NIPSNAP2: variants seen among roughly 807,000 people sequenced by gnomAD.
NIPSNAP2 encodes the protein nipsnap homolog 2, also known as protein NipSnap homolog 2.
In NIPSNAP2, 42 loss-of-function variants were observed where a neutral mutation model predicts 48.4. That is an observed-to-expected ratio of 0.87 (90% CI 0.68 to 1.12). The LOEUF (loss-of-function observed/expected upper bound fraction) is 1.12, where lower values mean the gene tolerates loss of function less well. Among genes scored for constraint, NIPSNAP2 ranks in the 50% most tolerant of loss-of-function variants. The probability of loss-of-function intolerance (pLI) is 0.00; values close to 1 mark genes in which losing one functional copy is unlikely to be tolerated. For missense variants in NIPSNAP2, 314 were observed against 347.3 expected, an observed-to-expected ratio of 0.90 and a Z score of 0.76; for synonymous variants, 158 against 126.6, an observed-to-expected ratio of 1.25 and a Z score of -1.67.
At chr7:55,990,932 CG>C (rs1787431752) in intron 7 of NIPSNAP2, among the ~76,000 whole-genome samples, 1 of 151,826 alleles carries the variant, frequency 6.6e-6, no homozygotes, top group Admixed American at 6.6e-5. Flanking sequence ...GGATTACAGG[CG>C]TGCACCGCCA....
intron 8 of NIPSNAP2, among the ~76,000 whole-genome samples, chr7:55,996,860 TCAAA>T (rs1333642384): frequency 5.3e-5 from 8 of 152,168 alleles, no homozygotes; most frequent in South Asian, 4.2e-4. Flanking sequence ...AGACCCCATC[TCAAA>T]CAAACAAACA....
rs558409351 is a variant in NIPSNAP2, at chr7:55,968,384, C to CT, written c.92+3699dup. ...TATCATTATGTCCAAACTCTACTTT[C>CT]TTTTTTTTTTTTTTTTCCTGAGACA... On this transcript the variant is annotated intron_variant, in intron 1 of 9. Coordinates refer to ENST00000322090, the MANE Select transcript of NIPSNAP2 (RefSeq NM_001483.3). Among the ~76,000 whole-genome samples the CT allele has an allele frequency of 3.0e-3, 423 of 139,914 alleles. 2 individuals are homozygous for CT. Among genetic ancestry groups the CT allele is most frequent in the Middle Eastern group, 0.015 (4 of 266 alleles). The allele number at this position is 139,914 out of a possible 152,430, so 91.8% of individuals were successfully genotyped here.
chr7:55,982,153 T>C (rs1787228518), intron 4 of NIPSNAP2, 57 bp from the exon 5 acceptor site: 3 of 1,117,638 alleles, frequency 2.7e-6, no homozygotes. Flanking sequence ...TAGAACATTT[T>C]CAAGTAGTAG....
rs73360378 is a variant in NIPSNAP2, at chr7:55,965,072, C to T, written c.92+371C>T. 1,059 of 153,750 alleles carry T rather than the reference C, an allele frequency of 6.9e-3. 13 individuals carry two copies. The highest frequency in any genetic ancestry group is 0.024 in the African/African-American group (985 of 41,662). The allele number at this position is 153,750 out of a possible 1,614,324, so 9.5% of individuals were successfully genotyped here. A position where few individuals can be genotyped will look rare whatever the true frequency, so the allele number is the denominator to read the frequency against. On this transcript the variant is annotated intron_variant, in intron 1 of 9. Coordinates refer to ENST00000322090, the MANE Select transcript of NIPSNAP2 (RefSeq NM_001483.3). Reference sequence around the variant, plus strand: ...TGAGGCCGCAGGCCCCGGACGCCGTCTGCTGGGTCCTCGCCGGAGGCTGTT... The same window carrying T: ...TGAGGCCGCAGGCCCCGGACGCCGTTTGCTGGGTCCTCGCCGGAGGCTGTT...
intron 3 of NIPSNAP2, 76 bp from the exon 4 acceptor site, chr7:55,981,397 G>A (rs1229264779): frequency 1.0e-6 from 1 of 970,502 alleles, no homozygotes; most frequent in South Asian, 1.4e-5. Context: ...TCTTTTTCCT[G>A]TTACTGATCA....
At chr7:55,983,088 A>G (rs1230202060) in intron 5 of NIPSNAP2, among the ~76,000 whole-genome samples, 5 of 152,200 alleles carry the variant, frequency 3.3e-5, no homozygotes, top group Admixed American at 2.0e-4. Context: ...ACACCGCTGC[A>G]CTACAGCCTG....
At chr7:55,973,440 A>G (rs1265587509) in intron 1 of NIPSNAP2, among the ~76,000 whole-genome samples, 1 of 151,652 alleles carries the variant, frequency 6.6e-6, no homozygotes, top group Non-Finnish European at 1.5e-5. Context: ...TTATTTATAG[A>G]GCACATTTTA....
chr7:55,968,685 G>T (rs1246124612), intron 1 of NIPSNAP2, among the ~76,000 whole-genome samples: 1 of 152,134 alleles, frequency 6.6e-6, no homozygotes, highest in African/African-American at 2.4e-5. Context: ...GTGAGCCACT[G>T]CCCCCAGCCC....
Position 55,978,265 on chromosome 7 carries a change from T to C in NIPSNAP2, c.232T>C (p.Phe78Leu). The C allele has an allele frequency of 6.2e-7, 1 of 1,614,082 alleles. No homozygotes were observed. Among genetic ancestry groups the C allele is most frequent in the Non-Finnish European group, 8.5e-7 (1 of 1,180,006 alleles). ...KETSNLYKLQ[F>L]HNVKPECLEA... The stretch of plus-strand genomic sequence containing the variant: ...AACAAGCAATCTATACAAATTACAG[T>C]GTGAGTGACAGGTTTGCTATCTTCA... Residue 78 changes from phenylalanine to leucine, a missense_variant and splice_region_variant, in exon 2 of 10, where the codon TTT becomes CTT. By Grantham distance (22) the Phe-to-Leu change is conservative. Around this residue, in one of 2 missense-constraint regions of NIPSNAP2, gnomAD observed 198 missense variants for 185.5 expected, o/e 1.07. Coordinates refer to ENST00000322090, the MANE Select transcript of NIPSNAP2 (RefSeq NM_001483.3).
At chr7:55,995,917 G>T (rs1787553002) in intron 8 of NIPSNAP2, among the ~76,000 whole-genome samples, 1 of 152,144 alleles carries the variant, frequency 6.6e-6, no homozygotes. Context: ...GTTTGAGGCT[G>T]CAGTGAGCTA....
rs1012952214 is a variant in NIPSNAP2, at chr7:55,999,315, A to C, written c.*243A>C. Reference sequence around the variant, plus strand: ...CACCCCGTGTTGTCCAGTATACCTTATAACACTGAGCCACTTCTCCCCACC... The same window carrying C: ...CACCCCGTGTTGTCCAGTATACCTTCTAACACTGAGCCACTTCTCCCCACC... On this transcript the variant is annotated 3_prime_UTR_variant, in exon 10 of 10. Coordinates refer to ENST00000322090, the MANE Select transcript of NIPSNAP2 (RefSeq NM_001483.3). 1 of 464,966 alleles carries C rather than the reference A, an allele frequency of 2.2e-6. No individual in the cohort carries two copies. The highest frequency in any genetic ancestry group is 4.2e-5 in the Admixed American group (1 of 23,626). 28.8% of individuals were successfully genotyped at this position (464,966 alleles called of 1,614,324 possible).
At chr7:55,982,334 A>G in intron 5 of NIPSNAP2, 54 bp downstream of exon 5, 1 of 1,040,792 alleles carries the variant, frequency 9.6e-7, no homozygotes, top group Non-Finnish European at 1.4e-6. Context: ...ATGTTAGTAC[A>G]GAATTAAATG....
chr7:55,985,911 G>C (rs959692925), intron 7 of NIPSNAP2, among the ~76,000 whole-genome samples: 4 of 151,934 alleles, frequency 2.6e-5, no homozygotes, highest in Non-Finnish European at 2.9e-5. Context: ...AGCCGAGCGT[G>C]GTGGTGCACT....
At chr7:55,965,569 A>G (rs138041381) in intron 1 of NIPSNAP2, among the ~76,000 whole-genome samples, 226 of 151,718 alleles carry the variant, frequency 1.5e-3, no homozygotes, top group African/African-American at 2.4e-3. Context: ...TATTATTATT[A>G]TTGTTGTTGT....
At chr7:55,978,636 T>G (rs1194821136) in intron 3 of NIPSNAP2, 3 of 487,020 alleles carry the variant, frequency 6.2e-6, no homozygotes, top group Non-Finnish European at 1.1e-5. Flanking sequence ...GACTCTTGTG[T>G]TTGGAGGAAC....
intron 7 of NIPSNAP2, among the ~76,000 whole-genome samples, chr7:55,988,619 C>T (rs999087275): frequency 3.3e-5 from 5 of 151,988 alleles, no homozygotes; most frequent in South Asian, 2.1e-4. Flanking sequence ...CAGCACTTAA[C>T]GAGGCTGAGG....
At chr7:55,986,754 A>G (rs1007852465) in intron 7 of NIPSNAP2, among the ~76,000 whole-genome samples, 2 of 152,142 alleles carry the variant, frequency 1.3e-5, no homozygotes, top group African/African-American at 4.8e-5. Context: ...TTTGCAAATC[A>G]TATGTCTGAT....
chr7:55,969,078 A>G (rs1786960187), intron 1 of NIPSNAP2, among the ~76,000 whole-genome samples: 5 of 152,180 alleles, frequency 3.3e-5, no homozygotes, highest in Admixed American at 2.6e-4. Flanking sequence ...ATTAAAAAGC[A>G]AATATATATA....
chr7:55,986,845 A>G (rs895363000), intron 7 of NIPSNAP2, among the ~76,000 whole-genome samples: 2 of 151,934 alleles, frequency 1.3e-5, no homozygotes, highest in Non-Finnish European at 2.9e-5. Context: ...AAAAATGGGT[A>G]AAGAATTTGA....
Sources: allele counts gnomAD v4.1 joint callset (sites outside exome capture counted in the v4.1 genomes callset), GRCh38; gene constraint gnomAD v4.1.1; regional missense constraint gnomAD v4.1.1; transcripts MANE v1.5; gene names NCBI Gene and HGNC (gene_info 2026-07-23, HGNC 2026-07-21).